The following ETFA variants were observed in gnomAD, a reference collection of about 807,000 sequenced individuals.
The protein encoded by ETFA is electron transfer flavoprotein subunit alpha, also known as electron transfer flavoprotein subunit alpha, mitochondrial.
A neutral mutation model predicts 46.2 loss-of-function variants in ETFA; 22 were observed. That is an observed-to-expected ratio of 0.48 (90% CI 0.34 to 0.68). ETFA has a LOEUF of 0.68. Among genes scored for constraint, ETFA ranks in the 30% least tolerant of loss-of-function variants. ETFA has a pLI of 0.01. For synonymous variants in ETFA, 131 were observed against 139.9 expected, an observed-to-expected ratio of 0.94 and a Z score of 0.45; for missense variants, 345 against 401.1, an observed-to-expected ratio of 0.86 and a Z score of 1.19.
chr15:76,237,941 C>A (rs2039143391), intron 9 of ETFA, among the ~76,000 whole-genome samples: 1 of 152,080 alleles, frequency 6.6e-6, no homozygotes, highest in Non-Finnish European at 1.5e-5. Flanking sequence ...AGAATTTCTG[C>A]CCAGCTTCCT....
chr15:76,284,063 A>G (rs577846263), intron 7 of ETFA, among the ~76,000 whole-genome samples: 1 of 152,320 alleles, frequency 6.6e-6, no homozygotes, highest in African/African-American at 2.4e-5. Flanking sequence ...TTTTCCCACT[A>G]GAATAAAAAC....
intron 7 of ETFA, 116 bp from the exon 8 acceptor site, chr15:76,283,941 A>T (rs2039680223): frequency 9.7e-6 from 7 of 719,586 alleles, no homozygotes; most frequent in Non-Finnish European, 1.7e-5. Context: ...CATATTAAGC[A>T]TGTCACCTCC....
chr15:76,231,486 G>T, intron 9 of ETFA, 88 bp from the exon 10 acceptor site: 1 of 795,746 alleles, frequency 1.3e-6, no homozygotes. Context: ...TAAGTCTTAG[G>T]CAAAAGATAT....
intron 11 of ETFA, among the ~76,000 whole-genome samples, chr15:76,219,185 A>C (rs1055759778): frequency 6.6e-6 from 1 of 152,224 alleles, no homozygotes; most frequent in Non-Finnish European, 1.5e-5. Context: ...GAAGGTTTAG[A>C]AAGATAAGTA....
intron 9 of ETFA, among the ~76,000 whole-genome samples, chr15:76,249,061 C>T (rs1405183627): frequency 6.6e-6 from 1 of 151,954 alleles, no homozygotes; most frequent in Non-Finnish European, 1.5e-5. Context: ...AGATTTCATT[C>T]CCATCAGGCC....
chr15:76,251,527 G>A (rs1338140457), intron 9 of ETFA, among the ~76,000 whole-genome samples: 1 of 152,182 alleles, frequency 6.6e-6, no homozygotes, highest in East Asian at 1.9e-4. Flanking sequence ...CACATTTGTA[G>A]AGATCTGGGG....
In ETFA at chr15:76,241,737, G is replaced by A. The variant is rs575497769; in HGVS notation, c.817-10339C>T. ...GAATGGCATGAACCCGGGAGGCAGA[G>A]CTGGCAGTGAGCCAAGATCACACCA... is the stretch of plus-strand genomic sequence containing the variant. On this transcript the variant is annotated intron_variant, in intron 9 of 11. Coordinates refer to ENST00000557943, the MANE Select transcript of ETFA (RefSeq NM_000126.4). Among the ~76,000 whole-genome samples, 3 of 141,266 alleles carry A rather than the reference G, an allele frequency of 2.1e-5. No homozygotes were observed. The Admixed American group carries it at 2.2e-4, about 11-fold the overall frequency. The allele number at this position is 141,266 out of a possible 152,430, so 92.7% of individuals were successfully genotyped here.
chr15:76,271,851 T>G (rs2039535278), intron 9 of ETFA, among the ~76,000 whole-genome samples: 1 of 152,108 alleles, frequency 6.6e-6, no homozygotes, highest in Non-Finnish European at 1.5e-5. Flanking sequence ...TAACAAAATG[T>G]ACATACATAA....
chr15:76,226,032 T>C (rs1332635818), intron 10 of ETFA, 103 bp from the exon 11 acceptor site: 11 of 740,922 alleles, frequency 1.5e-5, no homozygotes, highest in African/African-American at 1.1e-4. Flanking sequence ...TTAAAATGTC[T>C]ACCAAATAAG....
At chr15:76,227,902 T>C (rs1567196535) in intron 10 of ETFA, 1 of 456,088 alleles carries the variant, frequency 2.2e-6, no homozygotes, top group Non-Finnish European at 4.4e-6. Context: ...AGGTAACTGC[T>C]AATCCAGAGA....
intron 9 of ETFA, among the ~76,000 whole-genome samples, chr15:76,233,762 A>G (rs1263666879): frequency 6.6e-6 from 1 of 152,242 alleles, no homozygotes; most frequent in African/African-American, 2.4e-5. Flanking sequence ...ATTCTAACAT[A>G]AAGATTTTTA....
At chr15:76,281,964 C>T (rs1468532341) in intron 8 of ETFA, among the ~76,000 whole-genome samples, 1 of 132,892 alleles carries the variant, frequency 7.5e-6, no homozygotes, top group Non-Finnish European at 1.5e-5. Context: ...AGTACAGTGG[C>T]ACAGTCTCAG....
chr15:76,285,926 C>A (rs1365703001), intron 6 of ETFA, among the ~76,000 whole-genome samples, 188 bp from the exon 7 acceptor site: 1 of 152,184 alleles, frequency 6.6e-6, no homozygotes, highest in South Asian at 2.1e-4. Flanking sequence ...CCAGCCTTTG[C>A]CACATTAGCT....
At chr15:76,271,396 C>G (rs1047842709) in intron 9 of ETFA, among the ~76,000 whole-genome samples, 1 of 152,086 alleles carries the variant, frequency 6.6e-6, no homozygotes, top group African/African-American at 2.4e-5. Context: ...TATTCCTGTT[C>G]AAGATATATA....
rs574326550 is a variant in ETFA at position 76,278,538 on chromosome 15, C to T, written c.734-4044G>A. 2.0e-5 allele frequency among the ~76,000 whole-genome samples: 3 copies of T among 152,302 alleles called. No homozygotes were observed. The South Asian group carries it at 6.2e-4, about 32-fold the overall frequency. On this transcript the variant is annotated intron_variant, in intron 8 of 11. Coordinates refer to ENST00000557943, the MANE Select transcript of ETFA (RefSeq NM_000126.4). ...GCTCTTCTCCTGTAGTTCAGCATTA[C>T]TGGAGAAAACATCCAAATATCCAAC... is the stretch of plus-strand genomic sequence containing the variant.
chr15:76,216,553 C>G lies in ETFA; in HGVS notation c.*6G>C. The G allele has an allele frequency of 6.4e-7, 1 of 1,554,852 alleles. No individual in the cohort carries two copies. Among genetic ancestry groups the G allele is most frequent in the Non-Finnish European group, 8.9e-7 (1 of 1,126,162 alleles). On this transcript the variant is annotated 3_prime_UTR_variant, in exon 12 of 12. Coordinates refer to ENST00000557943, the MANE Select transcript of ETFA (RefSeq NM_000126.4). ...AAAAGTTTTCTTTTTAAGGCATGAT[C>G]CTGATTCATTTTTTCTTCAATATCT...
chr15:76,261,324 G>A, intron 9 of ETFA: 1 of 1,459,048 alleles, frequency 6.9e-7, no homozygotes, highest in South Asian at 1.2e-5. Flanking sequence ...ACACTGGCTG[G>A]GAGATCTGGG....
chr15:76,268,826 C>T (rs1428870887), intron 9 of ETFA, among the ~76,000 whole-genome samples: 1 of 152,234 alleles, frequency 6.6e-6, no homozygotes, highest in Non-Finnish European at 1.5e-5. Flanking sequence ...GCTGCACAGC[C>T]TGCAATTGCC....
At chr15:76,245,986 C>T (rs538007128) in intron 9 of ETFA, among the ~76,000 whole-genome samples, 6 of 152,266 alleles carry the variant, frequency 3.9e-5, no homozygotes, top group South Asian at 4.2e-4. Flanking sequence ...GTGTGTCAAA[C>T]CTCAGGTAAA....
Sources: gnomAD v4.1 joint callset for allele counts (sites outside exome capture counted in the v4.1 genomes callset) on GRCh38, gnomAD v4.1.1 for gene constraint, MANE v1.5 for transcripts, NCBI Gene and HGNC (gene_info 2026-07-23, HGNC 2026-07-21) for gene names.